GALNTL6: variants seen among roughly 807,000 people sequenced by gnomAD.
GALNTL6 encodes polypeptide N-acetylgalactosaminyltransferase like 6, also known as polypeptide N-acetylgalactosaminyltransferase-like 6.
Under a neutral mutation model 73.7 loss-of-function variants are expected in GALNTL6, and 46 were observed. That is an observed-to-expected ratio of 0.62 (90% CI 0.49 to 0.80). The LOEUF (loss-of-function observed/expected upper bound fraction) is 0.80. Among genes scored for constraint, GALNTL6 ranks in the 30% least tolerant of loss-of-function variants. GALNTL6 has a pLI of 0.00. For synonymous variants in GALNTL6, 259 were observed against 263.7 expected, an observed-to-expected ratio of 0.98 and a Z score of 0.17; for missense variants, 604 against 755.0, an observed-to-expected ratio of 0.80 and a Z score of 2.34.
chr4:172,301,371 CAA>C (rs1307861465), intron 3 of GALNTL6, among the ~76,000 whole-genome samples: 1 of 152,224 alleles, frequency 6.6e-6, no homozygotes, highest in East Asian at 1.9e-4. Flanking sequence ...CTCAACTCGT[CAA>C]AGTCATTTGC....
At chr4:172,259,551 CTG>C (rs1340374088) in intron 3 of GALNTL6, among the ~76,000 whole-genome samples, 3 of 151,316 alleles carry the variant, frequency 2.0e-5, no homozygotes, top group Admixed American at 6.6e-5. Flanking sequence ...TTCTCCCACT[CTG>C]TGGGTTATCT....
At chr4:172,393,967 A>G (rs997047348) in intron 5 of GALNTL6, among the ~76,000 whole-genome samples, 6 of 152,180 alleles carry the variant, frequency 3.9e-5, no homozygotes, top group Non-Finnish European at 8.8e-5. Context: ...ACTGTTTATT[A>G]TAACTAAAGA....
chr4:172,724,612 A>G (rs1735683073), intron 5 of GALNTL6, among the ~76,000 whole-genome samples: 1 of 152,154 alleles, frequency 6.6e-6, no homozygotes, highest in African/African-American at 2.4e-5. Context: ...AAGCCTTCCT[A>G]TGCTCTTCCT....
At chr4:172,429,862 GAAT>G (rs1731374665) in intron 5 of GALNTL6, among the ~76,000 whole-genome samples, 1 of 152,088 alleles carries the variant, frequency 6.6e-6, no homozygotes, top group Non-Finnish European at 1.5e-5. Context: ...AATGTATGAT[GAAT>G]AATAATTGTC....
chr4:172,680,555 C>T (rs1267367033), intron 5 of GALNTL6, among the ~76,000 whole-genome samples: 1 of 152,134 alleles, frequency 6.6e-6, no homozygotes, highest in African/African-American at 2.4e-5. Context: ...AGGCAAGTCA[C>T]TTCAGCTTCT....
intron 2 of GALNTL6, among the ~76,000 whole-genome samples, chr4:171,904,398 T>C (rs1737205330): frequency 6.6e-6 from 1 of 151,940 alleles, no homozygotes; most frequent in Non-Finnish European, 1.5e-5. Flanking sequence ...GTATCAGCGA[T>C]GGAAGATGAA....
At chr4:172,435,814 A>G (rs571221792) in intron 5 of GALNTL6, among the ~76,000 whole-genome samples, 3 of 152,282 alleles carry the variant, frequency 2.0e-5, no homozygotes, top group Admixed American at 1.3e-4. Flanking sequence ...AAAAGAAGTT[A>G]GAAATAAGAA....
chr4:172,830,585 C>A (rs767019986), intron 7 of GALNTL6, among the ~76,000 whole-genome samples: 2 of 152,268 alleles, frequency 1.3e-5, no homozygotes, highest in South Asian at 4.1e-4. Flanking sequence ...ACATCCAGGC[C>A]GGATGCCCAA....
At chr4:172,999,581 T>C (rs1288217053) in intron 10 of GALNTL6, among the ~76,000 whole-genome samples, 1 of 152,122 alleles carries the variant, frequency 6.6e-6, no homozygotes, top group African/African-American at 2.4e-5. Context: ...TAAGAGCATA[T>C]ACCCAAATAG....
At chr4:172,967,025 C>T (rs983878289) in intron 10 of GALNTL6, among the ~76,000 whole-genome samples, 4 of 152,242 alleles carry the variant, frequency 2.6e-5, no homozygotes, top group Admixed American at 6.5e-5. Flanking sequence ...TGCTCCCCAT[C>T]GGCCTCCGTG....
chr4:172,384,358 C>T (rs901854548), intron 5 of GALNTL6, among the ~76,000 whole-genome samples: 1 of 151,928 alleles, frequency 6.6e-6, no homozygotes, highest in African/African-American at 2.4e-5. Context: ...AAAAATTTGT[C>T]CTTTTAATCT....
At chr4:172,235,300 C>T (rs28694526) in intron 3 of GALNTL6, among the ~76,000 whole-genome samples, 1,619 of 151,220 alleles carry the variant, frequency 0.011, 29 homozygotes, top group African/African-American at 0.037. Context: ...CTTCACCTGC[C>T]GGGTTCAGGC....
chr4:172,443,446 G>A (rs1178037100), intron 5 of GALNTL6, among the ~76,000 whole-genome samples: 40 of 151,830 alleles, frequency 2.6e-4, no homozygotes, highest in South Asian at 2.1e-4. Flanking sequence ...GATTGCAGGC[G>A]TGAGCCACTG....
At chr4:173,009,356 G>A (rs1561083938) in intron 11 of GALNTL6, 62 bp downstream of exon 11, 3 of 976,890 alleles carry the variant, frequency 3.1e-6, no homozygotes, top group Admixed American at 1.7e-5. Flanking sequence ...CAGACACAGA[G>A]GGATGCAGCT....
intron 2 of GALNTL6, among the ~76,000 whole-genome samples, chr4:172,128,384 T>C (rs1363676028): frequency 5.9e-5 from 9 of 152,142 alleles, no homozygotes; most frequent in Admixed American, 4.6e-4. Flanking sequence ...CATAAACATA[T>C]ATATAAAAAT....
chr4:171,923,999 A>G (rs1353426973), intron 2 of GALNTL6, among the ~76,000 whole-genome samples: 2 of 152,042 alleles, frequency 1.3e-5, no homozygotes, highest in Non-Finnish European at 2.9e-5. Context: ...TTTTTTTCTA[A>G]AGTAAATACA....
chr4:172,851,111 G>A (rs1056331138), intron 7 of GALNTL6, among the ~76,000 whole-genome samples: 12 of 151,952 alleles, frequency 7.9e-5, no homozygotes, highest in South Asian at 2.1e-4. Context: ...GCTTCTAATC[G>A]TGGCTCAGTC....
chr4:172,712,912 T>C (rs1734800601), intron 5 of GALNTL6, among the ~76,000 whole-genome samples: 1 of 152,070 alleles, frequency 6.6e-6, no homozygotes, highest in Non-Finnish European at 1.5e-5. Context: ...TGCCACTTGC[T>C]CTCACCAAGA....
At chr4:171,901,723 C>T (rs755867589) in intron 2 of GALNTL6, among the ~76,000 whole-genome samples, 1 of 152,134 alleles carries the variant, frequency 6.6e-6, no homozygotes, top group Non-Finnish European at 1.5e-5. Flanking sequence ...CAATTCTAAA[C>T]TGGATTTTTA....
Sources: allele counts gnomAD v4.1 joint callset (sites outside exome capture counted in the v4.1 genomes callset), GRCh38; gene constraint gnomAD v4.1.1; transcripts MANE v1.5; gene names NCBI Gene and HGNC (gene_info 2026-07-23, HGNC 2026-07-21).